Variants in TANC2 observed in about 807,000 individuals in gnomAD.
TANC2 encodes the protein tetratricopeptide repeat, ankyrin repeat and coiled-coil containing 2, also known as protein TANC2.
A neutral mutation model predicts 210.5 loss-of-function variants in TANC2; 26 were observed. The ratio of observed to expected loss-of-function variants is 0.12; its 90% CI spans 0.09 to 0.17. The LOEUF (loss-of-function observed/expected upper bound fraction) is 0.17, where lower values mean the gene tolerates loss of function less well. TANC2 is among the 10% of genes least tolerant of loss of function. The probability of loss-of-function intolerance (pLI) is 1.00; values close to 1 mark genes in which losing one functional copy is unlikely to be tolerated. For synonymous variants in TANC2, 931 were observed against 967.1 expected, an observed-to-expected ratio of 0.96 and a Z score of 0.69; for missense variants, 2,129 against 2,608.9, an observed-to-expected ratio of 0.82 and a Z score of 4.01.
chr17:63,095,520 A>C (rs2144853531), intron 3 of TANC2, among the ~76,000 whole-genome samples: 1 of 151,932 alleles, frequency 6.6e-6, no homozygotes, highest in Admixed American at 6.6e-5. Context: ...GGCCTCCTGC[A>C]CTCCTCTTTT....
intron 14 of TANC2, among the ~76,000 whole-genome samples, chr17:63,375,014 AAAAG>A (rs1433485756): frequency 6.6e-6 from 1 of 152,166 alleles, no homozygotes; most frequent in African/African-American, 2.4e-5. Flanking sequence ...ATATTTAAAA[AAAAG>A]AGAGAGAGAT....
chr17:63,385,818 AG>A (rs1288292591), intron 15 of TANC2, among the ~76,000 whole-genome samples: 1 of 152,224 alleles, frequency 6.6e-6, no homozygotes, highest in Admixed American at 6.5e-5. Context: ...GAGGATGAAA[AG>A]GGAAATAATC....
At chr17:63,425,322 A>G (rs974131124) in exon 28 of TANC2, 1 of 152,226 alleles carries the variant, frequency 6.6e-6, no homozygotes, top group Admixed American at 6.5e-5. Flanking sequence ...AGCCTGGATT[A>G]TTAAACACTT....
At chr17:63,119,774 T>A (rs2038390844) in intron 4 of TANC2, among the ~76,000 whole-genome samples, 1 of 152,092 alleles carries the variant, frequency 6.6e-6, no homozygotes, top group African/African-American at 2.4e-5. Context: ...CAGCACTTTG[T>A]GAGGCTGAGA....
chr17:63,037,894 A>C (rs1051533135), intron 2 of TANC2, among the ~76,000 whole-genome samples: 2 of 152,002 alleles, frequency 1.3e-5, no homozygotes, highest in Non-Finnish European at 2.9e-5. Flanking sequence ...TATTAGTTCT[A>C]ATCGATGTTT....
At chr17:63,123,033 A>G (rs995519706) in intron 4 of TANC2, among the ~76,000 whole-genome samples, 1 of 152,242 alleles carries the variant, frequency 6.6e-6, no homozygotes, top group African/African-American at 2.4e-5. Context: ...TAGGGCAGTG[A>G]TAACCTAACA....
At chr17:63,183,932 G>A (rs1315536902) in intron 5 of TANC2, among the ~76,000 whole-genome samples, 2 of 152,032 alleles carry the variant, frequency 1.3e-5, no homozygotes, top group African/African-American at 2.4e-5. Flanking sequence ...CAGGAGAATG[G>A]CGTGAACCCG....
chr17:63,297,517 T>C (rs2044572743), intron 9 of TANC2, among the ~76,000 whole-genome samples: 1 of 152,100 alleles, frequency 6.6e-6, no homozygotes, highest in Non-Finnish European at 1.5e-5. Flanking sequence ...TGCAAAAGAA[T>C]GAAGTTGGAC....
chr17:63,150,169 A>G (rs910322074), intron 4 of TANC2: 2 of 152,182 alleles, frequency 1.3e-5, no homozygotes, highest in African/African-American at 4.8e-5. Context: ...TTTGAAGAAC[A>G]TGCAGAAACT....
chr17:63,133,568 A>G (rs1232633989), intron 4 of TANC2, among the ~76,000 whole-genome samples: 2 of 152,166 alleles, frequency 1.3e-5, no homozygotes, highest in African/African-American at 4.8e-5. Context: ...TCAATTTGGA[A>G]TTGTCAGTAA....
intron 2 of TANC2, among the ~76,000 whole-genome samples, chr17:63,052,344 C>G (rs1194085176): frequency 6.6e-6 from 1 of 152,128 alleles, no homozygotes; most frequent in Non-Finnish European, 1.5e-5. Context: ...TTGAGTCCAG[C>G]TCAACTCTGC....
intron 4 of TANC2, among the ~76,000 whole-genome samples, chr17:63,145,997 G>C (rs1261310326): frequency 1.3e-5 from 2 of 151,986 alleles, no homozygotes; most frequent in Non-Finnish European, 2.9e-5. Context: ...AGATCACTTG[G>C]GTGGTGTACC....
At chr17:63,249,318 A>G (rs1015366308) in intron 8 of TANC2, among the ~76,000 whole-genome samples, 3 of 152,206 alleles carry the variant, frequency 2.0e-5, no homozygotes, top group African/African-American at 7.2e-5. Context: ...GTAAATTGCT[A>G]TTGCATATTT....
intron 4 of TANC2, among the ~76,000 whole-genome samples, chr17:63,100,578 G>C (rs570675680): frequency 7.2e-5 from 11 of 152,018 alleles, no homozygotes; most frequent in Non-Finnish European, 1.6e-4. Flanking sequence ...AATTCTCCCT[G>C]TTTTACAGTC....
At chr17:63,116,668 A>G (rs1396327456) in intron 4 of TANC2, among the ~76,000 whole-genome samples, 1 of 152,242 alleles carries the variant, frequency 6.6e-6, no homozygotes, top group Non-Finnish European at 1.5e-5. Flanking sequence ...TTTATTAGTC[A>G]ATCAGTTGAT....
chr17:63,203,802 G>A (rs1230445909), intron 7 of TANC2, among the ~76,000 whole-genome samples: 1 of 152,092 alleles, frequency 6.6e-6, no homozygotes, highest in Non-Finnish European at 1.5e-5. Context: ...CAAAAAAAAA[G>A]TAGTCAGATA....
intron 1 of TANC2, among the ~76,000 whole-genome samples, chr17:62,990,701 G>A (rs1180955598): frequency 1.3e-5 from 2 of 152,172 alleles, no homozygotes; most frequent in Non-Finnish European, 2.9e-5. Flanking sequence ...GAATGAGTGG[G>A]AGTGGGATAC....
chr17:63,282,625 G>A (rs1412168186), intron 9 of TANC2, among the ~76,000 whole-genome samples: 1 of 152,064 alleles, frequency 6.6e-6, no homozygotes, highest in African/African-American at 2.4e-5. Context: ...ATTCAAAGTG[G>A]TTGTATCATT....
At chr17:63,115,698 T>C (rs544531724) in intron 4 of TANC2, among the ~76,000 whole-genome samples, 2 of 152,336 alleles carry the variant, frequency 1.3e-5, no homozygotes, top group East Asian at 3.9e-4. Context: ...CTTTGCTGTT[T>C]TGCTTAGATA....
Sources: gnomAD v4.1 joint callset for allele counts (sites outside exome capture counted in the v4.1 genomes callset) on GRCh38, gnomAD v4.1.1 for gene constraint, MANE v1.5 for transcripts, NCBI Gene and HGNC (gene_info 2026-07-23, HGNC 2026-07-21) for gene names.